The following PDCL variants were observed in gnomAD, a reference collection of about 807,000 sequenced individuals.
The protein encoded by PDCL is phosducin like, also known as phosducin-like protein.
In PDCL, 11 loss-of-function variants were observed where a neutral mutation model predicts 26.7. That is an observed-to-expected ratio of 0.41 (90% confidence interval 0.26 to 0.68). PDCL has a LOEUF of 0.68. Ranked by LOEUF, PDCL falls within the 30% of genes least tolerant of loss-of-function variation. The probability of loss-of-function intolerance (pLI) is 0.30; values close to 1 mark genes in which losing one functional copy is unlikely to be tolerated. For missense variants in PDCL, 330 were observed against 371.6 expected (o/e 0.89, Z 0.92); for synonymous variants, 118 against 134.9 (o/e 0.87, Z 0.87).
At chr9:122,827,177 A>G (rs540811647) in intron 1 of PDCL, among the ~76,000 whole-genome samples, 1 of 152,288 alleles carries the variant, frequency 6.6e-6, no homozygotes, top group African/African-American at 2.4e-5. Flanking sequence ...CTGTGCTTTT[A>G]GTTTTCCCAC....
At chr9:122,824,049 G>A (rs1829590109) in intron 2 of PDCL, among the ~76,000 whole-genome samples, 1 of 152,080 alleles carries the variant, frequency 6.6e-6, no homozygotes, top group Non-Finnish European at 1.5e-5. Context: ...TGGGATGATG[G>A]GCATGAGCCA....
At position 122,823,026 on chromosome 9, in the gene PDCL, A is replaced by C. The variant is rs1473739825; in HGVS notation, c.344T>G (p.Ile115Ser). Residue 115 changes from isoleucine to serine, a missense_variant, in exon 3 of 4, where the codon ATC (isoleucine) becomes AGC (serine). Physicochemically the swap from Ile to Ser is moderately radical, Grantham distance 142. Coordinates refer to ENST00000259467, the MANE Select transcript of PDCL (RefSeq NM_005388.5). ...AGTACTGCTAATTACCTTCCCACTGATCTTCTCCTGGAGGTCTTTCTGTTT... is the reference window on the plus strand; with the variant it reads ...AGTACTGCTAATTACCTTCCCACTGCTCTTCTCCTGGAGGTCTTTCTGTTT... The part of the protein sequence containing the change: ...QQKQKDLQEK[I>S]SGKMTLKEFA... 3 of 1,614,006 alleles carry C rather than the reference A, an allele frequency of 1.9e-6. No individual in the cohort carries two copies. Among genetic ancestry groups the C allele is most frequent in the African/African-American group, 1.3e-5 (1 of 75,004 alleles).
In PDCL at chr9:122,820,551, T is replaced by G; in HGVS notation, c.440A>C (p.Glu147Ala). The G allele has an allele frequency of 6.2e-7, 1 of 1,614,134 alleles. No homozygotes were observed. Among genetic ancestry groups the G allele is most frequent in the Non-Finnish European group, 8.5e-7 (1 of 1,180,016 alleles). Reference protein sequence around the residue: ...LQQYRKQRMEEMRQQLHKGPQ... With the variant: ...LQQYRKQRMEAMRQQLHKGPQ... ...CCCCTTGTGAAGCTGCTGCCGCATCTCTTCCATTCGCTGCTTCCGGTACTG... is the reference window on the plus strand; with the variant it reads ...CCCCTTGTGAAGCTGCTGCCGCATCGCTTCCATTCGCTGCTTCCGGTACTG... The change falls in exon 4 of 4, where the codon GAG becomes GCG. Residue 147 changes from glutamate to alanine, a missense_variant. Physicochemically the swap from Glu to Ala is moderately radical, Grantham distance 107. Transcript: ENST00000259467.
At chr9:122,827,460 T>A (rs1381296603) in intron 1 of PDCL, among the ~76,000 whole-genome samples, 1 of 152,164 alleles carries the variant, frequency 6.6e-6, no homozygotes, top group East Asian at 1.9e-4. Context: ...GCGCAGGTAA[T>A]CCCAGCACTT....
rs1165747377 is a variant in PDCL, at chr9:122,818,404, TACA to T, written c.*1678_*1680del. 6.6e-6 allele frequency: 1 copy of T among 152,172 alleles called. No homozygotes were observed. The highest frequency in any genetic ancestry group is 2.4e-5 in the African/African-American group (1 of 41,436). The allele number at this position is 152,172 out of a possible 1,614,324, so 9.4% of individuals were successfully genotyped here. On this transcript the variant is annotated 3_prime_UTR_variant, in exon 4 of 4. Coordinates refer to ENST00000259467, the MANE Select transcript of PDCL (RefSeq NM_005388.5). ...GTTTGAAACATCAAAGTATTTATGA[TACA>T]ACACTAAATAAGGAAGAGCACAGAA...
rs1427186934 is a variant in PDCL at position 122,820,382 on chromosome 9, G to C, written c.609C>G (p.Ile203Met). 1 of 1,614,074 alleles carries C rather than the reference G, an allele frequency of 6.2e-7. No homozygotes were observed. Among genetic ancestry groups the C allele is most frequent in the African/African-American group, 1.3e-5 (1 of 74,916 alleles). ...CAGCTGGGTACTCTGCGGCAAGGCAGATCATGCAACCATTCATGGCTTCGG... is the reference window on the plus strand; with the variant it reads ...CAGCTGGGTACTCTGCGGCAAGGCACATCATGCAACCATTCATGGCTTCGG... ...PGTEAMNGCM[I>M]CLAAEYPAVK... The change falls in exon 4 of 4, where the codon ATC (isoleucine) becomes ATG (methionine). Residue 203 changes from isoleucine to methionine, a missense_variant. Physicochemically the swap from Ile to Met is conservative, Grantham distance 10. Transcript: ENST00000259467.
chr9:122,828,132 C>T (rs1446078605), intron 1 of PDCL, among the ~76,000 whole-genome samples: 1 of 152,048 alleles, frequency 6.6e-6, no homozygotes, highest in Non-Finnish European at 1.5e-5. Flanking sequence ...CAGGAATGGG[C>T]CAAGCGGGGG....
chr9:122,823,224 C>A, intron 2 of PDCL, 27 bp from the exon 3 acceptor site: 1 of 1,610,292 alleles, frequency 6.2e-7, no homozygotes, highest in South Asian at 1.1e-5. Context: ...CGGATGTGAC[C>A]AAGGAGAATG....
intron 1 of PDCL, among the ~76,000 whole-genome samples, chr9:122,827,790 G>A (rs879455825): frequency 6.6e-6 from 1 of 152,072 alleles, no homozygotes; most frequent in Admixed American, 6.6e-5. Flanking sequence ...AAGTAGCCAA[G>A]GGCATTCTGA....
rs141591161 is a variant in PDCL at position 122,825,350 on chromosome 9, C to T, written c.172+1266G>A. Among the ~76,000 whole-genome samples, 1,298 of 152,050 alleles carry T rather than the reference C, an allele frequency of 8.5e-3. 14 individuals carry two copies. Among genetic ancestry groups the T allele is most frequent in the African/African-American group, 0.026 (1,071 of 41,460 alleles). On this transcript the variant is annotated intron_variant, in intron 2 of 3. Transcript: ENST00000259467. ...CTAACTTTTTGTATTTTAGTAGAGA[C>T]GGGATTTCACTGTGTTGCCCAGGCT...
In PDCL at chr9:122,826,538, T is replaced by TATTAATATGTATTTA. The variant is rs894801407; in HGVS notation, c.172+63_172+77dup. The TATTAATATGTATTTA allele has an allele frequency of 9.3e-6, 11 of 1,180,256 alleles. No individual in the cohort carries two copies. In the East Asian group the frequency reaches 2.9e-4, roughly 31 times the overall value. 73.1% of individuals were successfully genotyped at this position (1,180,256 alleles called of 1,614,324 possible). A position where few individuals can be genotyped will look rare whatever the true frequency, so the allele number is the denominator to read the frequency against. On this transcript the variant is annotated intron_variant, in intron 2 of 3. Transcript: ENST00000259467. ...TTAAAAGTGATCAGGAGAATTAATT[T>TATTAATATGTATTTA]ATTAATATGTATTTAATTAATATGT...
intron 1 of PDCL, 100 bp from the exon 2 acceptor site, chr9:122,826,892 C>T (rs1299805149): frequency 2.8e-6 from 3 of 1,072,984 alleles, no homozygotes; most frequent in Non-Finnish European, 4.2e-6. Flanking sequence ...CTACAATTTC[C>T]AGGACACTAA....
intron 2 of PDCL, among the ~76,000 whole-genome samples, chr9:122,825,465 A>G (rs1402828697): frequency 6.6e-6 from 1 of 152,230 alleles, no homozygotes; most frequent in East Asian, 1.9e-4. Context: ...CTCAGCCAGG[A>G]GAACCTTTTT....
intron 2 of PDCL, among the ~76,000 whole-genome samples, chr9:122,825,488 G>A (rs2131363777): frequency 6.6e-6 from 1 of 152,274 alleles, no homozygotes; most frequent in East Asian, 1.9e-4. Flanking sequence ...ACAGCAAAGT[G>A]AGGCCCTTTA....
At chr9:122,826,849 C>A (rs1290018663) in intron 1 of PDCL, 57 bp from the exon 2 acceptor site, 12 of 1,551,352 alleles carry the variant, frequency 7.7e-6, no homozygotes, top group African/African-American at 2.7e-5. Flanking sequence ...AGACATGAAT[C>A]TGAAGCATAG....
At position 122,823,112 on chromosome 9, in the gene PDCL, C is replaced by G; in HGVS notation, c.258G>C (p.Arg86Ser). Residue 86 changes from arginine to serine, a missense_variant, in exon 3 of 4, where the codon AGG becomes AGC. Arg to Ser is a moderately radical substitution (Grantham distance 110). Coordinates refer to ENST00000259467, the MANE Select transcript of PDCL (RefSeq NM_005388.5). Reference protein sequence around the residue: ...QREEQCREMERLIKKLSMTCR... With the variant: ...QREEQCREMESLIKKLSMTCR... Reference sequence around the variant, plus strand: ...AAGTCATTGACAGCTTCTTGATCAGCCTTTCCATCTCCCGGCACTGCTCCT... The same window carrying G: ...AAGTCATTGACAGCTTCTTGATCAGGCTTTCCATCTCCCGGCACTGCTCCT... The G allele has an allele frequency of 1.2e-6, 2 of 1,614,204 alleles. No individual in the cohort carries two copies. The highest frequency in any genetic ancestry group is 1.7e-6 in the Non-Finnish European group (2 of 1,180,036).
At chr9:122,827,541 CTT>C (rs1040952697) in intron 1 of PDCL, among the ~76,000 whole-genome samples, 7 of 152,214 alleles carry the variant, frequency 4.6e-5, no homozygotes, top group African/African-American at 1.7e-4. Flanking sequence ...TGGCGAAACT[CTT>C]GTCTCTACTA....
At chr9:122,824,069 G>T (rs1829590554) in intron 2 of PDCL, among the ~76,000 whole-genome samples, 1 of 152,108 alleles carries the variant, frequency 6.6e-6, no homozygotes, top group Admixed American at 6.5e-5. Context: ...ACCGCACCTG[G>T]CCTCTGAATT....
In PDCL at chr9:122,818,327, A is replaced by C. The variant is rs1000103836; in HGVS notation, c.*1758T>G. ...AGAGACTGGTTAAATAAATTATTAT[A>C]TATCCAAATGATGAAATATTATGAA... On this transcript the variant is annotated 3_prime_UTR_variant, in exon 4 of 4. Coordinates refer to ENST00000259467, the MANE Select transcript of PDCL (RefSeq NM_005388.5). The C allele has an allele frequency of 3.3e-5, 5 of 152,178 alleles. No individual in the cohort carries two copies. The highest frequency in any genetic ancestry group is 1.2e-4 in the African/African-American group (5 of 41,450). The allele number at this position is 152,178 out of a possible 1,614,324, so 9.4% of individuals were successfully genotyped here. A position where few individuals can be genotyped will look rare whatever the true frequency, so the allele number is the denominator to read the frequency against.
Sources: gnomAD v4.1 joint callset for allele counts (sites outside exome capture counted in the v4.1 genomes callset) on GRCh38, gnomAD v4.1.1 for gene constraint, MANE v1.5 for transcripts, NCBI Gene and HGNC (gene_info 2026-07-23, HGNC 2026-07-21) for gene names.